APTX: variants seen among roughly 807,000 people sequenced by gnomAD.
The protein encoded by APTX is forkhead-associated domain histidine triad-like protein.
Under a neutral mutation model 42.3 loss-of-function variants are expected in APTX, and 33 were observed. That is an observed-to-expected ratio of 0.78 (90% CI 0.59 to 1.04). APTX has a LOEUF of 1.04. Ranked by LOEUF, APTX falls within the 50% of genes least tolerant of loss-of-function variation. The pLI is 0.00. For missense variants in APTX, 421 were observed against 415.1 expected (o/e 1.01, Z -0.12); for synonymous variants, 130 against 146.7 (o/e 0.89, Z 0.82).
chr9:33,016,451 T>C (rs1210948639), intron 1 of APTX, among the ~76,000 whole-genome samples: 1 of 152,182 alleles, frequency 6.6e-6, no homozygotes, highest in African/African-American at 2.4e-5. Flanking sequence ...ATAAACATGT[T>C]TACTGCATAT....
At chr9:33,013,859 AATG>A (rs1427093596) in intron 1 of APTX, among the ~76,000 whole-genome samples, 1 of 152,202 alleles carries the variant, frequency 6.6e-6, no homozygotes, top group Non-Finnish European at 1.5e-5. Flanking sequence ...TTTCAATGTC[AATG>A]ATAACAGGGA....
chr9:33,018,634 C>G (rs568265813), intron 1 of APTX, among the ~76,000 whole-genome samples: 12 of 149,482 alleles, frequency 8.0e-5, no homozygotes, highest in Non-Finnish European at 5.9e-5. Context: ...AATCCCAGCA[C>G]TTTGGCAGGC....
At chr9:32,991,512 G>A (rs909494593) in intron 1 of APTX, among the ~76,000 whole-genome samples, 2 of 152,082 alleles carry the variant, frequency 1.3e-5, no homozygotes, top group Non-Finnish European at 2.9e-5. Context: ...GGCCAGGTGC[G>A]GTGTCTCAGG....
At chr9:32,989,572 A>T in intron 2 of APTX, 187 bp downstream of exon 2, 2 of 883,914 alleles carry the variant, frequency 2.3e-6, no homozygotes, top group Middle Eastern at 4.4e-4. Flanking sequence ...TGCCTTGAAC[A>T]TTATCACATT....
intron 6 of APTX, among the ~76,000 whole-genome samples, chr9:32,981,643 T>C (rs1341798743): frequency 6.6e-6 from 1 of 152,152 alleles, no homozygotes; most frequent in Non-Finnish European, 1.5e-5. Flanking sequence ...TGAAGGCGTA[T>C]CTAAGTGACA....
At chr9:32,997,656 C>T (rs1372801720) in intron 1 of APTX, among the ~76,000 whole-genome samples, 1 of 152,174 alleles carries the variant, frequency 6.6e-6, no homozygotes, top group Non-Finnish European at 1.5e-5. Flanking sequence ...AGAAATAGCA[C>T]AGTACCCATG....
chr9:32,974,640 C>T, intron 6 of APTX, 79 bp from the exon 7 acceptor site: 1 of 793,742 alleles, frequency 1.3e-6, no homozygotes, highest in African/African-American at 1.7e-5. Flanking sequence ...AGTATGAGTA[C>T]ATTGTATATT....
At position 33,001,546 on chromosome 9, in the gene APTX, ATAGGCTGACGACCGC is replaced by A. The variant is rs1836517765; in HGVS notation, c.-5+6_-5+20del. 2.5e-6 allele frequency: 4 copies of A among 1,613,692 alleles called. No homozygotes were observed. The East Asian group carries it at 8.9e-5, about 36-fold the overall frequency. On this transcript the variant is annotated splice_donor_region_variant and intron_variant, in intron 1 of 7. Coordinates refer to ENST00000379817, the MANE Select transcript of APTX (RefSeq NM_001195248.2). ...GCATTGAGCCCAGCCAGCAGAAGAG[ATAGGCTGACGACCGC>A]CTTACCTCCAGAAGTCGGAGACGGA...
intron 1 of APTX, among the ~76,000 whole-genome samples, chr9:33,021,365 T>C (rs1166293460): frequency 2.6e-5 from 4 of 152,196 alleles, no homozygotes; most frequent in Non-Finnish European, 4.4e-5. Context: ...AAAATCACTG[T>C]AATCACAATA....
chr9:33,004,773 C>T (rs1362460116), upstream of APTX, among the ~76,000 whole-genome samples: 1 of 151,490 alleles, frequency 6.6e-6, no homozygotes, highest in Non-Finnish European at 1.5e-5. Flanking sequence ...GCTGGGACTA[C>T]AGGTGCCTGC....
At chr9:33,019,918 G>A in intron 1 of APTX, 1 of 520,966 alleles carries the variant, frequency 1.9e-6, no homozygotes, top group East Asian at 3.2e-5. Flanking sequence ...CCACCTCTAA[G>A]GGGGTCGGGA....
At chr9:32,973,796 C>A in intron 7 of APTX, 144 bp from the exon 8 acceptor site, 2 of 1,090,478 alleles carry the variant, frequency 1.8e-6, no homozygotes, top group Non-Finnish European at 2.7e-6. Context: ...TTAGTTTAGA[C>A]TTCCCTCAGG....
chr9:32,983,687 T>A (rs1367172846), intron 6 of APTX, among the ~76,000 whole-genome samples: 2 of 152,168 alleles, frequency 1.3e-5, no homozygotes, highest in Non-Finnish European at 2.9e-5. Flanking sequence ...ACAACATGGA[T>A]AAGACTTGAA....
chr9:32,994,476 C>T (rs1269124771), intron 1 of APTX, among the ~76,000 whole-genome samples: 1 of 152,198 alleles, frequency 6.6e-6, no homozygotes, highest in Non-Finnish European at 1.5e-5. Flanking sequence ...CTCCTCTCTT[C>T]CCCAAGAAAC....
At chr9:32,992,433 C>A (rs1311522225) in intron 1 of APTX, among the ~76,000 whole-genome samples, 1 of 152,116 alleles carries the variant, frequency 6.6e-6, no homozygotes, top group Admixed American at 6.5e-5. Flanking sequence ...TTAGAGATGG[C>A]TAGGAGCCAA....
intron 5 of APTX, among the ~76,000 whole-genome samples, chr9:32,985,679 C>A (rs1185033091): frequency 2.6e-5 from 4 of 152,014 alleles, no homozygotes; most frequent in Non-Finnish European, 5.9e-5. Flanking sequence ...CTCTGATGCT[C>A]CCCTGAAAGG....
chr9:32,987,983 T>C lies in APTX; in HGVS notation c.180+100A>G, dbSNP rs1832599520. On this transcript the variant is annotated intron_variant, in intron 3 of 7. Transcript: ENST00000379817. ...CACCTATATTACTCCATCACTTCCA[T>C]ACATGACAGAGAAGCCTTCACTGGC... 2.7e-6 allele frequency: 4 copies of C among 1,508,912 alleles called. No homozygotes were observed. The South Asian group carries it at 3.4e-5, about 13-fold the overall frequency. The allele number at this position is 1,508,912 out of a possible 1,614,324, so 93.5% of individuals were successfully genotyped here.
At chr9:33,012,507 C>T (rs952220194) in intron 1 of APTX, among the ~76,000 whole-genome samples, 1 of 152,134 alleles carries the variant, frequency 6.6e-6, no homozygotes, top group African/African-American at 2.4e-5. Flanking sequence ...TAACTGCTTA[C>T]ACATTGTGGC....
chr9:33,007,859 C>G (rs1451745853), intron 1 of APTX, among the ~76,000 whole-genome samples: 1 of 152,044 alleles, frequency 6.6e-6, no homozygotes, highest in Non-Finnish European at 1.5e-5. Flanking sequence ...CGCTCCCCAC[C>G]AAGACTGAGC....
Sources: gnomAD v4.1 joint callset for allele counts (sites outside exome capture counted in the v4.1 genomes callset) on GRCh38, gnomAD v4.1.1 for gene constraint, MANE v1.5 for transcripts, NCBI Gene and HGNC (gene_info 2026-07-23, HGNC 2026-07-21) for gene names.